The following CNIH3 variants were observed in gnomAD, a reference collection of about 807,000 sequenced individuals.
CNIH3 encodes cornichon family AMPA receptor auxiliary protein 3.
Under a neutral mutation model 24.1 loss-of-function variants are expected in CNIH3, and 14 were observed. That is an observed-to-expected ratio of 0.58 (90% confidence interval 0.38 to 0.91). The LOEUF is 0.91. CNIH3 is among the 40% of genes least tolerant of loss of function. The pLI is 0.00. For missense variants in CNIH3, 178 were observed against 196.8 expected (o/e 0.90, Z 0.57); for synonymous variants, 68 against 73.8 (o/e 0.92, Z 0.40).
chr1:224,728,221 G>A (rs1367833222), intron 3 of CNIH3, among the ~76,000 whole-genome samples: 1 of 152,224 alleles, frequency 6.6e-6, no homozygotes, highest in African/African-American at 2.4e-5. Flanking sequence ...GTAGAGATGT[G>A]CATAGCAGAA....
intron 3 of CNIH3, among the ~76,000 whole-genome samples, chr1:224,718,433 C>T (rs1017334402): frequency 3.9e-5 from 6 of 152,104 alleles, no homozygotes; most frequent in South Asian, 2.1e-4. Context: ...TTGTAGGGCC[C>T]AGGGGCACAG....
intron 1 of CNIH3, among the ~76,000 whole-genome samples, chr1:224,668,103 G>T (rs1476615731): frequency 1.3e-5 from 2 of 152,274 alleles, no homozygotes; most frequent in South Asian, 4.2e-4. Flanking sequence ...GAGCAAAAGG[G>T]CTAATGGCAT....
intron 2 of CNIH3, among the ~76,000 whole-genome samples, chr1:224,543,937 T>G (rs1193678526): frequency 9.9e-5 from 15 of 152,182 alleles, no homozygotes; most frequent in Admixed American, 9.8e-4. Flanking sequence ...GTAACTGGAT[T>G]GGTTGATTGA....
intron 3 of CNIH3, among the ~76,000 whole-genome samples, chr1:224,554,778 G>A (rs116577274): frequency 6.6e-6 from 1 of 151,776 alleles, no homozygotes; most frequent in Non-Finnish European, 1.5e-5. Context: ...GTAGAGATGG[G>A]GTCTCACTAT....
At chr1:224,714,687 T>C (rs1043274839) in intron 3 of CNIH3, among the ~76,000 whole-genome samples, 2 of 152,188 alleles carry the variant, frequency 1.3e-5, no homozygotes, top group African/African-American at 4.8e-5. Flanking sequence ...GAGCTGCCCA[T>C]GATTGAAATT....
chr1:224,536,759 G>A (rs1026175750), intron 2 of CNIH3, among the ~76,000 whole-genome samples: 1 of 152,172 alleles, frequency 6.6e-6, no homozygotes, highest in Non-Finnish European at 1.5e-5. Flanking sequence ...TAGGGACAAA[G>A]TTAGAAAGAA....
At position 224,458,829 on chromosome 1, in the gene CNIH3, G is replaced by A. The variant is rs1025679458; in HGVS notation, n.203+23967G>A. Among the ~76,000 whole-genome samples, 4 of 152,216 alleles carry A rather than the reference G, an allele frequency of 2.6e-5. No homozygotes were observed. Among genetic ancestry groups the A allele is most frequent in the African/African-American group, 9.6e-5 (4 of 41,466 alleles). ...GGGAAAGTGTCAGTGGGGTCTCCCA[G>A]TGCCTGTTTGGTCCACAGTTAGGAG... is the stretch of plus-strand genomic sequence containing the variant. On this transcript the variant is annotated intron_variant and non_coding_transcript_variant, in intron 1 of 5. Coordinates refer to the CNIH3 transcript ENST00000471578. This position sits in a 1 kb window ranked among gnomAD's most constrained non-coding sequence, Gnocchi z 4.3.
intron 1 of CNIH3, among the ~76,000 whole-genome samples, chr1:224,457,014 G>A (rs1341993922): frequency 2.0e-5 from 3 of 152,226 alleles, no homozygotes; most frequent in Non-Finnish European, 4.4e-5. Context: ...AGGAAGGGTG[G>A]TGTAACTGCC....
chr1:224,634,309 C>T (rs1420134077), intron 1 of CNIH3, among the ~76,000 whole-genome samples: 2 of 152,112 alleles, frequency 1.3e-5, no homozygotes, highest in Non-Finnish European at 2.9e-5. Context: ...AGAGGCCGGG[C>T]GTGGTGGCTC....
chr1:224,680,812 G>T, intron 1 of CNIH3, 146 bp from the exon 2 acceptor site: 2 of 647,196 alleles, frequency 3.1e-6, no homozygotes, highest in Admixed American at 2.5e-5. Flanking sequence ...TGCCAGCTTC[G>T]ACAGTGACCA....
intron 1 of CNIH3, among the ~76,000 whole-genome samples, chr1:224,469,254 AT>A (rs1162899567): frequency 1.3e-5 from 2 of 150,932 alleles, no homozygotes; most frequent in Non-Finnish European, 3.0e-5. Context: ...CTAATTTTTA[AT>A]TTTTTTTGTA....
At chr1:224,586,574 C>G (rs976784021) in intron 5 of CNIH3, among the ~76,000 whole-genome samples, 1 of 152,098 alleles carries the variant, frequency 6.6e-6, no homozygotes, top group Non-Finnish European at 1.5e-5. Flanking sequence ...AGACTTCGAG[C>G]CTTAGAGAAA....
chr1:224,484,472 A>T (rs1676951345), intron 1 of CNIH3, among the ~76,000 whole-genome samples: 1 of 152,110 alleles, frequency 6.6e-6, no homozygotes. Context: ...AGTTTTGAGC[A>T]CATTGACTAT....
intron 1 of CNIH3, among the ~76,000 whole-genome samples, chr1:224,437,752 CAT>C (rs1189817186): frequency 2.0e-5 from 3 of 152,150 alleles, no homozygotes; most frequent in Non-Finnish European, 4.4e-5. Context: ...ATGACAGACA[CAT>C]GTCTATGCTT....
intron 1 of CNIH3, among the ~76,000 whole-genome samples, chr1:224,477,269 G>A (rs1572327310): frequency 6.6e-6 from 1 of 151,110 alleles, no homozygotes; most frequent in Non-Finnish European, 1.5e-5. Context: ...AGTTCACGAT[G>A]TGAGTCTCCA....
chr1:224,465,240 G>A (rs1289485042), intron 1 of CNIH3, among the ~76,000 whole-genome samples: 2 of 152,122 alleles, frequency 1.3e-5, no homozygotes, highest in East Asian at 3.9e-4. Context: ...CTCCCAGGTA[G>A]CTGGGATTAC....
rs975980668 is a variant in CNIH3 at position 224,616,365 on chromosome 1, G to A, written c.-810G>A. On this transcript the variant is annotated 5_prime_UTR_variant, in exon 1 of 6. Transcript: ENST00000272133. ...GGCGGCGGCAGCGGCAGCAGCAGGT[G>A]GAGCGAGCTACAGCGTTTGGCCTGA... is the stretch of plus-strand genomic sequence containing the variant. 1.4e-5 allele frequency: 9 copies of A among 663,478 alleles called. No individual in the cohort carries two copies. In the Admixed American group the frequency reaches 3.4e-4, roughly 25 times the overall value. The allele number at this position is 663,478 out of a possible 1,614,324, so 41.1% of individuals were successfully genotyped here.
chr1:224,625,866 G>C (rs886752590), intron 1 of CNIH3, among the ~76,000 whole-genome samples: 6 of 152,176 alleles, frequency 3.9e-5, no homozygotes, highest in African/African-American at 1.2e-4. Flanking sequence ...GGGGCTGCAC[G>C]CTAGTCTCTC....
intron 1 of CNIH3, among the ~76,000 whole-genome samples, chr1:224,463,773 A>ATTTTTTTTTTTTTT (rs56137320): frequency 9.6e-5 from 2 of 20,730 alleles, no homozygotes; most frequent in African/African-American, 5.1e-4. Context: ...AATTGTCCTC[A>ATTTTTTTTTTTTTT]TTTTTTTTTT....
Sources: gnomAD v4.1 joint callset for allele counts (sites outside exome capture counted in the v4.1 genomes callset) on GRCh38, gnomAD v4.1.1 for gene constraint, Gnocchi (gnomAD v3.1) non-coding constraint, MANE v1.5 for transcripts, NCBI Gene and HGNC (gene_info 2026-07-23, HGNC 2026-07-21) for gene names.